Variants in PCDHA8 observed in about 807,000 individuals in gnomAD.
The protein encoded by PCDHA8 is protocadherin alpha 8, also known as protocadherin alpha-8.
In PCDHA8, 53 loss-of-function variants were observed where a neutral mutation model predicts 61.8. That is an observed-to-expected ratio of 0.86 (90% confidence interval 0.69 to 1.08). The LOEUF is 1.08. Ranked by LOEUF, PCDHA8 falls within the 50% of genes least tolerant of loss-of-function variation. The pLI, the probability that PCDHA8 is intolerant of heterozygous loss-of-function variation, is 0.00. For synonymous variants in PCDHA8, 618 were observed against 556.6 expected (o/e 1.11, Z -1.55); for missense variants, 1,293 against 1,245.0 (o/e 1.04, Z -0.58).
chr5:140,908,757 C>G (rs550540742), intron 1 of PCDHA8, among the ~76,000 whole-genome samples: 1 of 152,248 alleles, frequency 6.6e-6, no homozygotes, highest in Non-Finnish European at 1.5e-5. Context: ...TGCACACAGC[C>G]TGGACGTGTT....
chr5:140,870,263 C>T (rs1581940012), intron 1 of PCDHA8: 2 of 1,614,182 alleles, frequency 1.2e-6, no homozygotes, highest in East Asian at 4.5e-5. Flanking sequence ...GTGACCTGCT[C>T]GCTGACGCCC....
chr5:140,880,645 C>T (rs535367313), intron 1 of PCDHA8, among the ~76,000 whole-genome samples: 5 of 152,148 alleles, frequency 3.3e-5, no homozygotes, highest in Admixed American at 3.3e-4. Flanking sequence ...CACTTGAGAG[C>T]CCAACTGAGG....
At position 141,007,395 on chromosome 5, in the gene PCDHA8, C is replaced by CA. The variant is rs35800918; in HGVS notation, c.2543-2209dup. 5.3e-3 allele frequency among the ~76,000 whole-genome samples: 498 copies of CA among 94,810 alleles called. 4 individuals carry two copies. The highest frequency in any genetic ancestry group is 0.049 in the East Asian group (166 of 3,398). 62.2% of individuals were successfully genotyped at this position (94,810 alleles called of 152,430 possible). On this transcript the variant is annotated intron_variant, in intron 3 of 3. Transcript: ENST00000531613. The stretch of plus-strand genomic sequence containing the variant: ...ATGGAACACCATCTCTACTAAAATA[C>CA]AAAAAAAAAAAAAAAAAAAAAAATT...
At chr5:140,959,697 CTTTGAAAGGGA>C (rs2095506406) in intron 1 of PCDHA8, among the ~76,000 whole-genome samples, 1 of 152,008 alleles carries the variant, frequency 6.6e-6, no homozygotes, top group Non-Finnish European at 1.5e-5. Flanking sequence ...ATAAAATGAG[CTTTGAAAGGGA>C]AAATTTTTAG....
chr5:140,857,187 C>T (rs202051639), intron 1 of PCDHA8: 3 of 1,598,516 alleles, frequency 1.9e-6, no homozygotes, highest in Admixed American at 1.7e-5. Context: ...GATTCAGGAG[C>T]CAACGGACAG....
rs181275532 is a variant in PCDHA8, at chr5:140,900,911, A to G, written c.2394+57196A>G. Among the ~76,000 whole-genome samples the G allele has an allele frequency of 2.3e-4, 35 of 152,252 alleles. 1 individual carries two copies. Among genetic ancestry groups the G allele is most frequent in the Admixed American group, 6.5e-4 (10 of 15,284 alleles). ...GGATAAAAGCCATTTTAACTGTGGTAAGATGATATCTCATTGTAGTTTTGA... is the reference window on the plus strand; with the variant it reads ...GGATAAAAGCCATTTTAACTGTGGTGAGATGATATCTCATTGTAGTTTTGA... On this transcript the variant is annotated intron_variant, in intron 1 of 3. Coordinates refer to ENST00000531613, the MANE Select transcript of PCDHA8 (RefSeq NM_018911.3).
At chr5:140,968,173 C>T (rs782043932) in intron 1 of PCDHA8, 10 of 1,614,104 alleles carry the variant, frequency 6.2e-6, no homozygotes, top group Admixed American at 1.7e-5. Flanking sequence ...CACCAAGCTT[C>T]CTGGAGGACT....
intron 1 of PCDHA8, among the ~76,000 whole-genome samples, chr5:140,940,440 G>T (rs1348385112): frequency 1.3e-5 from 2 of 151,928 alleles, no homozygotes; most frequent in Non-Finnish European, 2.9e-5. Flanking sequence ...AGTCTGCCAT[G>T]ATATTTTTTA....
At chr5:140,960,841 T>C (rs1554225062) in intron 1 of PCDHA8, among the ~76,000 whole-genome samples, 1 of 152,222 alleles carries the variant, frequency 6.6e-6, no homozygotes, top group African/African-American at 2.4e-5. Context: ...GGAACAGGTT[T>C]AATGGCAACT....
At chr5:140,975,933 AG>A (rs1216240117) in intron 1 of PCDHA8, among the ~76,000 whole-genome samples, 1 of 152,194 alleles carries the variant, frequency 6.6e-6, no homozygotes, top group Non-Finnish European at 1.5e-5. Flanking sequence ...TAACCTTTGA[AG>A]CAATAGGACA....
rs782044159 is a variant in PCDHA8 at position 140,883,367 on chromosome 5, G to T, written c.2394+39652G>T. On this transcript the variant is annotated intron_variant, in intron 1 of 3. Transcript: ENST00000531613. Reference sequence around the variant, plus strand: ...CATCAGAGAAGACACTCAGCCTAGCGCCATTATTGCCCTAATCAGTGTGTC... The same window carrying T: ...CATCAGAGAAGACACTCAGCCTAGCTCCATTATTGCCCTAATCAGTGTGTC... The T allele has an allele frequency of 5.6e-6, 9 of 1,614,006 alleles. No homozygotes were observed. Among genetic ancestry groups the T allele is most frequent in the Non-Finnish European group, 7.6e-6 (9 of 1,180,038 alleles).
intron 1 of PCDHA8, chr5:140,883,816 G>A (rs1217152310): frequency 1.9e-6 from 3 of 1,612,522 alleles, no homozygotes; most frequent in Non-Finnish European, 2.5e-6. Context: ...AGAGCGGCAA[G>A]GTGTACGCGC....
At chr5:140,896,033 A>G (rs994719566) in intron 1 of PCDHA8, among the ~76,000 whole-genome samples, 2 of 151,874 alleles carry the variant, frequency 1.3e-5, no homozygotes, top group East Asian at 1.9e-4. Flanking sequence ...CTGGTCTCGA[A>G]CTCCTGACCT....
At chr5:140,875,995 A>AATGAGAATTTTG (rs1554168162) in intron 1 of PCDHA8, 7 of 1,613,958 alleles carry the variant, frequency 4.3e-6, no homozygotes, top group Non-Finnish European at 5.9e-6. Context: ...GTTAAGTCTA[A>AATGAGAATTTTG]ATGAGAATTT....
chr5:140,870,911 A>G (rs782609021), intron 1 of PCDHA8: 2 of 1,613,910 alleles, frequency 1.2e-6, no homozygotes, highest in Non-Finnish European at 1.7e-6. Context: ...TCAGGCTACA[A>G]CGCGTGGCTT....
chr5:140,857,319 T>A, intron 1 of PCDHA8: 3 of 1,598,650 alleles, frequency 1.9e-6, no homozygotes, highest in Non-Finnish European at 2.6e-6. Flanking sequence ...GAGCTGGTGG[T>A]GACCGCGCGG....
rs782079089 is a variant in PCDHA8, at chr5:141,009,663, C to T, written c.2579C>T (p.Ala860Val). 4 of 1,614,034 alleles carry T rather than the reference C, an allele frequency of 2.5e-6. No individual in the cohort carries two copies. Among genetic ancestry groups the T allele is most frequent in the East Asian group, 2.2e-5 (1 of 44,876 alleles). ...GGAGAAGTGTCCCCTCCAGTCGGTG[C>T]GGGTGTCAACAGCAACAGCTGGACC... Reference protein sequence around the residue: ...EAGEVSPPVGAGVNSNSWTFK... With the variant: ...EAGEVSPPVGVGVNSNSWTFK... Residue 860 changes from alanine to valine, a missense_variant, in exon 4 of 4, where the codon GCG (alanine) becomes GTG (valine). Transcript: ENST00000531613.
chr5:140,872,160 C>A (rs782612001), intron 1 of PCDHA8, among the ~76,000 whole-genome samples: 10 of 151,070 alleles, frequency 6.6e-5, no homozygotes, highest in African/African-American at 9.8e-5. Context: ...ACATGATTTA[C>A]TTTTCTTTTT....
intron 1 of PCDHA8, chr5:140,857,400 C>A: frequency 6.3e-7 from 1 of 1,598,488 alleles, no homozygotes; most frequent in Non-Finnish European, 8.6e-7. Flanking sequence ...AACGACAACG[C>A]GCCTGCGTTC....
Sources: gnomAD v4.1 joint callset for allele counts (sites outside exome capture counted in the v4.1 genomes callset) on GRCh38, gnomAD v4.1.1 for gene constraint, MANE v1.5 for transcripts, NCBI Gene and HGNC (gene_info 2026-07-23, HGNC 2026-07-21) for gene names.